PON2: variants seen among roughly 807,000 people sequenced by gnomAD.
PON2 encodes paraoxonase 2.
A neutral mutation model predicts 36.6 loss-of-function variants in PON2; 27 were observed. That is an observed-to-expected ratio of 0.74 (90% confidence interval 0.54 to 1.02). The LOEUF is 1.02. Ranked by LOEUF, PON2 falls within the 50% of genes least tolerant of loss-of-function variation. The pLI is 0.00. For missense variants in PON2, 363 were observed against 421.1 expected (o/e 0.86, Z 1.21); for synonymous variants, 149 against 156.3 (o/e 0.95, Z 0.35).
chr7:95,411,743 T>G lies in PON2; in HGVS notation c.404A>C (p.Glu135Ala), dbSNP rs761718870. The change falls in exon 5 of 9, where the codon GAA (glutamate) becomes GCA (alanine). Residue 135 changes from glutamate to alanine, a missense_variant. Transcript: ENST00000222572. ...AAAAATTTCCACTGTATTCTTGAAT[T>G]CTGGGTGGTTTACAACAAAGAGATA... ...TVYLFVVNHP[E>A]FKNTVEIFKF... The G allele has an allele frequency of 1.9e-6, 3 of 1,613,694 alleles. No individual in the cohort carries two copies. The South Asian group carries it at 3.3e-5, about 18-fold the overall frequency.
Position 95,405,342 on chromosome 7 carries a change from A to G in PON2, c.1053T>C (p.Tyr351=), listed in dbSNP as rs139908821. 7.5e-4 allele frequency: 1,218 copies of G among 1,613,762 alleles called. No homozygotes were observed. The highest frequency in any genetic ancestry group is 1.7e-3 in the South Asian group (155 of 91,076). ...LIGTLYHRAL[Y]CEL is the part of the protein sequence containing the mutation. ...CCAAAAGTACAATTTAGAGTTCACA[A>G]TACAAGGCTCTGTGGTATAAAGTGC... The change falls in exon 9 of 9, where the codon TAT becomes TAC. Residue 351 remains tyrosine (Y), a synonymous_variant. Transcript: ENST00000222572.
At chr7:95,409,839 G>A in intron 6 of PON2, 62 bp downstream of exon 6, 2 of 1,460,086 alleles carry the variant, frequency 1.4e-6, no homozygotes, top group Non-Finnish European at 1.9e-6. Context: ...AGAAAGCAAA[G>A]TAAAGAATTT....
rs1809646294 is a variant in PON2, at chr7:95,405,224, A to G, written c.*106T>C. The stretch of plus-strand genomic sequence containing the variant: ...CTTACTGGAATAAAATTAACTACAC[A>G]TGCCATACATTTCTGGGTCAATGTT... On this transcript the variant is annotated 3_prime_UTR_variant, in exon 9 of 9. Coordinates refer to ENST00000222572, the MANE Select transcript of PON2 (RefSeq NM_000305.3). 1.6e-6 allele frequency: 2 copies of G among 1,220,560 alleles called. No individual in the cohort carries two copies. The highest frequency in any genetic ancestry group is 1.5e-5 in the African/African-American group (1 of 66,368). 75.6% of individuals were successfully genotyped at this position (1,220,560 alleles called of 1,614,324 possible). A position where few individuals can be genotyped will look rare whatever the true frequency, so the allele number is the denominator to read the frequency against.
intron 5 of PON2, among the ~76,000 whole-genome samples, chr7:95,411,416 AGTCCGCATAGAACAGT>A (rs1191721922): frequency 4.1e-4 from 63 of 152,304 alleles, no homozygotes; most frequent in African/African-American, 1.5e-3. Flanking sequence ...TTCTCAAAGG[AGTCCGCATAGAACAGT>A]GAATAGTATG....
At chr7:95,429,982 A>C (rs1014715209) in intron 1 of PON2, among the ~76,000 whole-genome samples, 1 of 152,228 alleles carries the variant, frequency 6.6e-6, no homozygotes, top group Admixed American at 6.5e-5. Context: ...CGACAGGTTC[A>C]GCACTAATTA....
intron 2 of PON2, among the ~76,000 whole-genome samples, chr7:95,421,487 G>C (rs1240817369): frequency 1.3e-5 from 2 of 152,210 alleles, no homozygotes; most frequent in Non-Finnish European, 2.9e-5. Flanking sequence ...GGCTTTTGCT[G>C]AGTGACCAGT....
chr7:95,423,165 A>T (rs997748426), intron 2 of PON2, among the ~76,000 whole-genome samples: 1 of 151,854 alleles, frequency 6.6e-6, no homozygotes, highest in Non-Finnish European at 1.5e-5. Context: ...CTCTACAAAA[A>T]TAAAAAACTA....
chr7:95,434,822 G>A, intron 1 of PON2, 56 bp downstream of exon 1: 1 of 1,516,218 alleles, frequency 6.6e-7, no homozygotes, highest in South Asian at 1.2e-5. Context: ...CCCGCACCAC[G>A]CGGCCACCCC....
chr7:95,424,705 G>T, intron 1 of PON2, 120 bp from the exon 2 acceptor site: 1 of 733,142 alleles, frequency 1.4e-6, no homozygotes, highest in Non-Finnish European at 2.3e-6. Context: ...TAAGTCTAAA[G>T]CAGATGAAAG....
chr7:95,427,809 G>A (rs1789350223), intron 1 of PON2, among the ~76,000 whole-genome samples: 1 of 152,140 alleles, frequency 6.6e-6, no homozygotes, highest in Middle Eastern at 3.2e-3. Flanking sequence ...TAAGAACTTT[G>A]TGTATTTAAG....
intron 8 of PON2, 123 bp from the exon 9 acceptor site, chr7:95,405,611 T>G: frequency 1.1e-6 from 1 of 946,300 alleles, no homozygotes; most frequent in Non-Finnish European, 1.7e-6. Context: ...AAAATAGCAG[T>G]TACCAATCTT....
At position 95,416,432 on chromosome 7, in the gene PON2, C is replaced by G. The variant is rs767514460; in HGVS notation, c.146-135G>C. ...GGTTCTGATGTTTTTTCCAAGGAAC[C>G]ATTCTTTTTAATAAATGTCAGTTTA... On this transcript the variant is annotated intron_variant, in intron 2 of 8. Transcript: ENST00000222572. 229 of 1,007,462 alleles carry G rather than the reference C, an allele frequency of 2.3e-4. 1 individual carries two copies. Among genetic ancestry groups the G allele is most frequent in the Non-Finnish European group, 3.1e-4 (205 of 661,066 alleles). 62.4% of individuals were successfully genotyped at this position (1,007,462 alleles called of 1,614,324 possible).
chr7:95,412,264 T>C lies in PON2; in HGVS notation c.367+48A>G, dbSNP rs552172867. ...TCCAAATCTATTTTTCACAGTCATT[T>C]GTGAACCATCACACGTTACTAAATG... On this transcript the variant is annotated intron_variant, in intron 4 of 8. Coordinates refer to ENST00000222572, the MANE Select transcript of PON2 (RefSeq NM_000305.3). The C allele has an allele frequency of 9.6e-5, 153 of 1,599,554 alleles. 2 individuals are homozygous for C. In the South Asian group the frequency reaches 1.5e-3, roughly 16 times the overall value.
intron 2 of PON2, among the ~76,000 whole-genome samples, chr7:95,423,372 T>G (rs1789240359): frequency 6.6e-6 from 1 of 151,250 alleles, no homozygotes; most frequent in African/African-American, 2.4e-5. Context: ...AAGCCAATAT[T>G]TATTGTTCAT....
chr7:95,412,721 T>C (rs1220730734), intron 3 of PON2: 1 of 512,214 alleles, frequency 2.0e-6, no homozygotes, highest in Non-Finnish European at 3.5e-6. Context: ...ATCAGAAGGT[T>C]GGTGGACTAG....
intron 1 of PON2, among the ~76,000 whole-genome samples, chr7:95,429,482 G>A (rs1453387304): frequency 2.6e-5 from 4 of 152,138 alleles, no homozygotes; most frequent in South Asian, 2.1e-4. Context: ...TGAATAGAAA[G>A]CATGAACTCT....
At chr7:95,419,479 C>T (rs905308022) in intron 2 of PON2, among the ~76,000 whole-genome samples, 6 of 152,214 alleles carry the variant, frequency 3.9e-5, no homozygotes, top group African/African-American at 1.4e-4. Flanking sequence ...CATTTAATTT[C>T]CATCTCTTCT....
chr7:95,410,049 G>A lies in PON2; in HGVS notation c.547C>T (p.His183Tyr). 1 of 1,613,720 alleles carries A rather than the reference G, an allele frequency of 6.2e-7. No individual in the cohort carries two copies. The highest frequency in any genetic ancestry group is 1.1e-5 in the South Asian group (1 of 91,062). ...TTTAAGAAAGGATCAGAGAAGTAGTGGTCATTTGTGGCATAGAAATGTGCC... is the reference window on the plus strand; with the variant it reads ...TTTAAGAAAGGATCAGAGAAGTAGTAGTCATTTGTGGCATAGAAATGTGCC... The part of the protein sequence containing the change: ...GPAHFYATND[H>Y]YFSDPFLKYL... The change falls in exon 6 of 9, where the codon CAC (histidine) becomes TAC (tyrosine). Residue 183 changes from histidine to tyrosine, a missense_variant. Physicochemically the swap from His to Tyr is moderately conservative, Grantham distance 83. Coordinates refer to ENST00000222572, the MANE Select transcript of PON2 (RefSeq NM_000305.3).
At chr7:95,429,620 G>C (rs1210025237) in intron 1 of PON2, among the ~76,000 whole-genome samples, 1 of 152,186 alleles carries the variant, frequency 6.6e-6, no homozygotes, top group Non-Finnish European at 1.5e-5. Context: ...GTAGCAGTAA[G>C]GGTGTACCAT....
Sources: gnomAD v4.1 joint callset for allele counts (sites outside exome capture counted in the v4.1 genomes callset) on GRCh38, gnomAD v4.1.1 for gene constraint, MANE v1.5 for transcripts, NCBI Gene and HGNC (gene_info 2026-07-23, HGNC 2026-07-21) for gene names.